Variants in CORO7 observed in about 807,000 individuals in gnomAD.
CORO7 encodes coronin 7, also known as coronin-7.
In CORO7, 107 loss-of-function variants were observed where a neutral mutation model predicts 126.6. That is an observed-to-expected ratio of 0.85 (90% CI 0.72 to 0.99). The LOEUF (loss-of-function observed/expected upper bound fraction) is 0.99. Among genes scored for constraint, CORO7 ranks in the 50% least tolerant of loss-of-function variants. CORO7 has a pLI of 0.00. For missense variants in CORO7, 1,314 were observed against 1,255.8 expected (o/e 1.05, Z -0.70); for synonymous variants, 603 against 536.8 (o/e 1.12, Z -1.70).
chr16:4,410,207 T>C (rs1199343784), intron 3 of CORO7, among the ~76,000 whole-genome samples: 8 of 152,202 alleles, frequency 5.3e-5, no homozygotes, highest in African/African-American at 1.9e-4. Flanking sequence ...GGAAGATCAC[T>C]TGAGGCTAGG....
At chr16:4,403,912 G>A (rs1460972852) in intron 6 of CORO7, among the ~76,000 whole-genome samples, 2 of 152,062 alleles carry the variant, frequency 1.3e-5, no homozygotes, top group Non-Finnish European at 2.9e-5. Context: ...CTCAAGGACC[G>A]GCCTCGAGCT....
Position 4,365,123 on chromosome 16 carries a change from G to C in CORO7, c.841-63C>G. 1.9e-6 allele frequency: 3 copies of C among 1,550,374 alleles called. 1 individual carries two copies. The South Asian group carries it at 3.6e-5, about 18-fold the overall frequency. On this transcript the variant is annotated intron_variant, in intron 10 of 27. Transcript: ENST00000251166. ...AACCCCTGGGGAGGGCCCAGGACTGGCATCAGCTCCCCCACAGGTCCCCAA... is the reference window on the plus strand; with the variant it reads ...AACCCCTGGGGAGGGCCCAGGACTGCCATCAGCTCCCCCACAGGTCCCCAA...
chr16:4,364,498 TG>T, intron 13 of CORO7, 85 bp from the exon 14 acceptor site: 3 of 1,489,220 alleles, frequency 2.0e-6, no homozygotes, highest in Non-Finnish European at 2.7e-6. Context: ...TGGGTAGGGA[TG>T]GGGGGCACCC....
At chr16:4,411,652 C>G (rs1017399797) in intron 3 of CORO7, among the ~76,000 whole-genome samples, 5 of 152,084 alleles carry the variant, frequency 3.3e-5, no homozygotes, top group Non-Finnish European at 7.4e-5. Flanking sequence ...CCATCATTAT[C>G]ATATCAGAAC....
intron 9 of CORO7, among the ~76,000 whole-genome samples, chr16:4,383,768 G>A (rs1028115605): frequency 6.6e-6 from 1 of 152,244 alleles, no homozygotes; most frequent in Non-Finnish European, 1.5e-5. Context: ...CCCAGGCCCT[G>A]TCTTCTGCCA....
At chr16:4,393,639 T>C (rs1025498076) in intron 7 of CORO7, among the ~76,000 whole-genome samples, 7 of 152,124 alleles carry the variant, frequency 4.6e-5, no homozygotes, top group Admixed American at 6.6e-5. Context: ...GGCTGGTGGT[T>C]TGCCCTTGAC....
Position 4,412,445 on chromosome 16 carries a change from C to T in CORO7, c.158-15G>A, listed in dbSNP as rs374955047. The stretch of plus-strand genomic sequence containing the variant: ...GCCCAGTACACCTGTTAAACAAACA[C>T]GGGGACTCTGACTTCAGGCCCCACA... On this transcript the variant is annotated splice_polypyrimidine_tract_variant and intron_variant, in intron 2 of 27. Transcript: ENST00000251166. 2.9e-5 allele frequency: 46 copies of T among 1,613,910 alleles called. No individual in the cohort carries two copies. The highest frequency in any genetic ancestry group is 3.3e-4 in the Middle Eastern group (2 of 6,082).
intron 6 of CORO7, 96 bp from the exon 7 acceptor site, chr16:4,395,435 G>A: frequency 6.5e-7 from 1 of 1,541,572 alleles, no homozygotes; most frequent in South Asian, 1.1e-5. Flanking sequence ...CCAGCTCTGA[G>A]CAGCCCATCC....
At position 4,358,419 on chromosome 16, in the gene CORO7, C is replaced by T. The variant is rs759014697; in HGVS notation, c.2405G>A (p.Arg802Gln). 4.0e-5 allele frequency: 65 copies of T among 1,612,392 alleles called. No individual in the cohort carries two copies. Among genetic ancestry groups the T allele is most frequent in the Middle Eastern group, 1.7e-4 (1 of 6,038 alleles). The change falls in exon 24 of 28, where the codon CGG becomes CAG. Residue 802 changes from arginine (R) to glutamine (Q), a missense_variant. Coordinates refer to ENST00000251166, the MANE Select transcript of CORO7 (RefSeq NM_024535.5). ...VREVELMRCL[R>Q]LRQSSLEPVA... ...AGGCTCCAGGGAGGACTGACGCAGC[C>T]GCAGGCACCGCATCAGCTCCACTTC...
Position 4,364,375 on chromosome 16 carries a change from G to T in CORO7, c.1176C>A (p.His392Gln). 6.6e-7 allele frequency: 1 copy of T among 1,517,224 alleles called. No homozygotes were observed. The highest frequency in any genetic ancestry group is 8.8e-7 in the Non-Finnish European group (1 of 1,135,266). 94.0% of individuals were successfully genotyped at this position (1,517,224 alleles called of 1,614,324 possible). Residue 392 changes from histidine to glutamine, a missense_variant, in exon 14 of 28, where the codon CAC (histidine) becomes CAA (glutamine). Physicochemically the swap from His to Gln is conservative, Grantham distance 24. Transcript: ENST00000251166. ...KVSLNPACRP[H>Q]PSFTSCLVPP... The stretch of plus-strand genomic sequence containing the variant: ...GCACCAGACAGGAAGTGAAGCTCGG[G>T]TGGGGCCGGCAGGCGGGGTTGAGGC...
intron 9 of CORO7, chr16:4,380,865 C>T: frequency 4.0e-6 from 6 of 1,500,176 alleles, no homozygotes; most frequent in Non-Finnish European, 5.3e-6. Context: ...CTCTCTGCTC[C>T]CAGGGACAGA....
chr16:4,416,504 C>T lies in CORO7; in HGVS notation c.15G>A (p.Arg5=), dbSNP rs749972074. 1.3e-6 allele frequency: 2 copies of T among 1,580,566 alleles called. No individual in the cohort carries two copies. The highest frequency in any genetic ancestry group is 2.3e-5 in the South Asian group (2 of 87,570). MNRF[R]VSKFRHTEAR... Reference sequence around the variant, plus strand: ...CCTCGGTGTGCCGGAACTTGGACACCCTGAAGCGGTTCATGGCGACGGGCA... The same window carrying T: ...CCTCGGTGTGCCGGAACTTGGACACTCTGAAGCGGTTCATGGCGACGGGCA... The change falls in exon 1 of 28, where the codon AGG becomes AGA. Residue 5 remains arginine, a synonymous_variant. Coordinates refer to ENST00000251166, the MANE Select transcript of CORO7 (RefSeq NM_024535.5).
rs2055279311 is a variant in CORO7 at position 4,388,633 on chromosome 16, T to C, written c.616-2A>G. The C allele has an allele frequency of 6.2e-7, 1 of 1,610,352 alleles. No individual in the cohort carries two copies. The highest frequency in any genetic ancestry group is 2.2e-5 in the East Asian group (1 of 44,810). Reference sequence around the variant, plus strand: ...GCTGTTCTCATGGGCCTGCGTGCTCTGCAGGAGGCAAGAGGTGGACCTGAG... The same window carrying C: ...GCTGTTCTCATGGGCCTGCGTGCTCCGCAGGAGGCAAGAGGTGGACCTGAG... On this transcript the variant is annotated splice_acceptor_variant, in intron 7 of 27. Transcript: ENST00000251166. LOFTEE classifies it high-confidence loss of function.
intron 6 of CORO7, among the ~76,000 whole-genome samples, chr16:4,403,843 C>T (rs1170651743): frequency 6.6e-6 from 1 of 152,210 alleles, no homozygotes; most frequent in East Asian, 1.9e-4. Context: ...GCTGAGACTA[C>T]CCAGGCCATC....
Position 4,359,608 on chromosome 16 carries a change from G to A in CORO7, c.2122C>T (p.Gln708Ter). The stretch of plus-strand genomic sequence containing the variant: ...GCCTCAGCTTCATATAGGAGCAGCT[G>A]GCGCTCACTTTGGCTGCAAGGGGGT... ...VSGFDSQSER[Q>*]LLLYEAEALA... The change falls in exon 22 of 28, where the codon CAG becomes TAG. Residue 708 changes from glutamine (Q) to a stop codon, truncating the protein, a stop_gained. Transcript: ENST00000251166. LOFTEE classifies it high-confidence loss of function. 1 of 1,600,740 alleles carries A rather than the reference G, an allele frequency of 6.2e-7. No individual in the cohort carries two copies. The highest frequency in any genetic ancestry group is 1.1e-5 in the South Asian group (1 of 90,086).
rs1343514238 is a variant in CORO7 at position 4,358,013 on chromosome 16, C to A, written c.2548G>T (p.Gly850Trp). The change falls in exon 25 of 28, where the codon GGG becomes TGG. Residue 850 changes from glycine (G) to tryptophan (W), a missense_variant. Gly to Trp is a radical substitution (Grantham distance 184, BLOSUM62 -2). Coordinates refer to ENST00000251166, the MANE Select transcript of CORO7 (RefSeq NM_024535.5). ...SAEAWLQGANGQPWLLSLQPP... is the reference protein window; with the variant it reads ...SAEAWLQGANWQPWLLSLQPP... ...TGCAGGCTGAGAAGCCAGGGCTGCC[C>A]ATTAGCGCCTTGCAGCCAGGCCTCG... The A allele has an allele frequency of 6.2e-7, 1 of 1,612,976 alleles. No individual in the cohort carries two copies. The highest frequency in any genetic ancestry group is 1.1e-5 in the South Asian group (1 of 91,066).
chr16:4,401,804 G>A (rs1212253174), intron 6 of CORO7, among the ~76,000 whole-genome samples: 1 of 152,100 alleles, frequency 6.6e-6, no homozygotes, highest in Non-Finnish European at 1.5e-5. Context: ...GGCTGCTCCT[G>A]CCCCACAGAG....
intron 6 of CORO7, among the ~76,000 whole-genome samples, chr16:4,401,638 G>T (rs2055811789): frequency 6.6e-6 from 1 of 152,202 alleles, no homozygotes; most frequent in South Asian, 2.1e-4. Flanking sequence ...GACAGAGTGG[G>T]ACAGAAACAG....
intron 9 of CORO7, chr16:4,381,900 G>A (rs1195363685): frequency 6.2e-7 from 1 of 1,605,756 alleles, no homozygotes; most frequent in East Asian, 2.2e-5. Flanking sequence ...TGCTCCTGGA[G>A]CTTGACTACG....
Sources: gnomAD v4.1 joint callset for allele counts (sites outside exome capture counted in the v4.1 genomes callset) on GRCh38, gnomAD v4.1.1 for gene constraint, MANE v1.5 for transcripts, NCBI Gene and HGNC (gene_info 2026-07-23, HGNC 2026-07-21) for gene names.